Variants in MPP7 observed in about 807,000 individuals in gnomAD.
MPP7 encodes the protein MAGUK p55 subfamily member 7.
In MPP7, 60 loss-of-function variants were observed where a neutral mutation model predicts 76.5. That is an observed-to-expected ratio of 0.78 (90% CI 0.64 to 0.97). MPP7 has a LOEUF of 0.97. Ranked by LOEUF, MPP7 falls within the 50% of genes least tolerant of loss-of-function variation. The pLI is 0.00. For missense variants in MPP7, 641 were observed against 694.0 expected (o/e 0.92, Z 0.86); for synonymous variants, 237 against 244.5 (o/e 0.97, Z 0.29).
rs576201896 is a variant in MPP7, at chr10:28,198,343, G to A, written c.156+3810C>T. 4.6e-5 allele frequency among the ~76,000 whole-genome samples: 7 copies of A among 152,264 alleles called. No homozygotes were observed. The South Asian group carries it at 1.0e-3, about 23-fold the overall frequency. ...TGTAGTCCTAACACTTTGAGAGTCCGAGGCAGGTGGATCCCTTAGGTCAGG... is the reference window on the plus strand; with the variant it reads ...TGTAGTCCTAACACTTTGAGAGTCCAAGGCAGGTGGATCCCTTAGGTCAGG... On this transcript the variant is annotated intron_variant, in intron 3 of 16. Coordinates refer to ENST00000683449, the MANE Select transcript of MPP7 (RefSeq NM_001318170.2).
At chr10:28,068,820 A>G (rs1852094213) in intron 13 of MPP7, among the ~76,000 whole-genome samples, 2 of 152,222 alleles carry the variant, frequency 1.3e-5, no homozygotes, top group African/African-American at 4.8e-5. Flanking sequence ...GAATTGTTAG[A>G]CTTTTATTTA....
At chr10:28,173,021 A>T (rs551604027) in intron 3 of MPP7, among the ~76,000 whole-genome samples, 1 of 152,292 alleles carries the variant, frequency 6.6e-6, no homozygotes, top group Non-Finnish European at 1.5e-5. Flanking sequence ...AGATATCACA[A>T]GTTTGGTGGA....
intron 13 of MPP7, among the ~76,000 whole-genome samples, chr10:28,065,452 G>T (rs1408636600): frequency 1.3e-5 from 2 of 152,082 alleles, no homozygotes; most frequent in African/African-American, 2.4e-5. Flanking sequence ...AGTTCCACAG[G>T]AACCTCATGA....
intron 6 of MPP7, among the ~76,000 whole-genome samples, chr10:28,129,786 C>A (rs185341846): frequency 5.9e-5 from 9 of 152,202 alleles, no homozygotes; most frequent in Admixed American, 3.3e-4. Context: ...AAAAACCCTC[C>A]TGATATAAAT....
chr10:28,118,934 G>T, intron 11 of MPP7: 1 of 985,364 alleles, frequency 1.0e-6, no homozygotes, highest in Non-Finnish European at 1.2e-6. Flanking sequence ...AAAACAAAGG[G>T]TTGGTTTTTT....
chr10:28,255,130 G>C (rs1839743469), intron 1 of MPP7, among the ~76,000 whole-genome samples: 2 of 152,104 alleles, frequency 1.3e-5, no homozygotes, highest in South Asian at 4.1e-4. Context: ...AAAGAAAAGG[G>C]ATAGGAACTC....
chr10:28,278,895 A>G (rs1840584724), intron 1 of MPP7, among the ~76,000 whole-genome samples: 1 of 151,604 alleles, frequency 6.6e-6, no homozygotes, highest in Non-Finnish European at 1.5e-5. Flanking sequence ...TTTGCCATTC[A>G]TTATTTCTGA....
chr10:28,077,528 G>A (rs571971242), intron 12 of MPP7, among the ~76,000 whole-genome samples: 1 of 152,222 alleles, frequency 6.6e-6, no homozygotes, highest in East Asian at 1.9e-4. Flanking sequence ...CAGCTCAGAT[G>A]CACCATCCTG....
rs1837334541 is a variant in MPP7, at chr10:28,189,405, A to T, written c.156+12748T>A. ...CAGCAAAACCCTGTCTCTACAAAAA[A>T]ATACAAAAAAAAAGTTAGCTGGGCA... On this transcript the variant is annotated intron_variant, in intron 3 of 16. Transcript: ENST00000683449. 1.3e-5 allele frequency among the ~76,000 whole-genome samples: 2 copies of T among 152,048 alleles called. 1 individual carries two copies.
At chr10:28,242,388 C>T (rs1839299812) in intron 1 of MPP7, among the ~76,000 whole-genome samples, 1 of 152,148 alleles carries the variant, frequency 6.6e-6, no homozygotes, top group Non-Finnish European at 1.5e-5. Context: ...TTTGTAAAAG[C>T]TCAATCTGAA....
chr10:28,159,890 C>G (rs1836198817), intron 3 of MPP7, among the ~76,000 whole-genome samples: 1 of 152,062 alleles, frequency 6.6e-6, no homozygotes, highest in Non-Finnish European at 1.5e-5. Flanking sequence ...GCAGATTTTC[C>G]AAACATTTAC....
At chr10:28,213,771 A>G (rs12263084) in intron 2 of MPP7, among the ~76,000 whole-genome samples, 25,057 of 146,826 alleles carry the variant, frequency 0.17, 2,488 homozygotes, top group African/African-American at 0.26. Context: ...CAACCTGGGC[A>G]ACAGAGTGAG....
chr10:28,331,558 G>A (rs1834469995), intron 1 of MPP7, among the ~76,000 whole-genome samples: 3 of 152,152 alleles, frequency 2.0e-5, no homozygotes, highest in Middle Eastern at 6.8e-3. Context: ...TCAGTTTGTA[G>A]GGTTTTTAAA....
At position 28,302,963 on chromosome 10, in the gene MPP7, G is replaced by A. The variant is rs550973137; in HGVS notation, c.-234C>T. ...AGGCAGCGACCGCCACCGCCGCAGA[G>A]GACAATCGGGAGCCAGCGGGCTCGG... On this transcript the variant is annotated 5_prime_UTR_variant, in exon 1 of 17. Transcript: ENST00000683449. 2.6e-3 allele frequency among the ~76,000 whole-genome samples: 399 copies of A among 151,590 alleles called. 1 individual carries two copies. The highest frequency in any genetic ancestry group is 3.9e-3 in the Non-Finnish European group (267 of 67,662).
In MPP7 at chr10:28,237,915, C is replaced by T. The variant is rs760162186; in HGVS notation, c.37+653G>A. On this transcript the variant is annotated intron_variant, in intron 2 of 16. Transcript: ENST00000683449. ...GACCTCAAAGAGGCATCTACCACCA[C>T]ACTTCTACTTCCTGAATCAGATCAG... Among the ~76,000 whole-genome samples, 275 of 152,320 alleles carry T rather than the reference C, an allele frequency of 1.8e-3. 5 individuals carry two copies. Among genetic ancestry groups the T allele is most frequent in the Non-Finnish European group, 1.5e-3 (100 of 68,032 alleles).
intron 1 of MPP7, among the ~76,000 whole-genome samples, chr10:28,289,003 A>G (rs1840850125): frequency 6.6e-6 from 1 of 152,134 alleles, no homozygotes; most frequent in Admixed American, 6.6e-5. Context: ...TTCTGGTCTC[A>G]AAAATAGCTA....
intron 1 of MPP7, among the ~76,000 whole-genome samples, chr10:28,278,947 A>G (rs1183729342): frequency 6.6e-6 from 1 of 152,026 alleles, no homozygotes; most frequent in Non-Finnish European, 1.5e-5. Flanking sequence ...AAAAGGATCC[A>G]TATCTCTTGC....
intron 12 of MPP7, among the ~76,000 whole-genome samples, chr10:28,075,507 C>T (rs770169389): frequency 6.6e-5 from 10 of 152,198 alleles, no homozygotes; most frequent in South Asian, 2.1e-4. Context: ...GATTGCACGA[C>T]GCAAGTTACT....
intron 1 of MPP7, among the ~76,000 whole-genome samples, chr10:28,272,499 A>G (rs1371839811): frequency 3.9e-5 from 6 of 152,232 alleles, no homozygotes; most frequent in African/African-American, 1.4e-4. Context: ...TAGACCCTCA[A>G]ATAATGAAAA....
Sources: allele counts gnomAD v4.1 joint callset (sites outside exome capture counted in the v4.1 genomes callset), GRCh38; gene constraint gnomAD v4.1.1; transcripts MANE v1.5; gene names NCBI Gene and HGNC (gene_info 2026-07-23, HGNC 2026-07-21).